GALNT6: variants seen among roughly 807,000 people sequenced by gnomAD.
The protein encoded by GALNT6 is polypeptide N-acetylgalactosaminyltransferase 6, also known as GalNAc transferase 6.
In GALNT6, 51 loss-of-function variants were observed where a neutral mutation model predicts 65.9. The ratio of observed to expected loss-of-function variants is 0.77; its 90% CI spans 0.62 to 0.98. The LOEUF is 0.98. Ranked by LOEUF, GALNT6 falls within the 50% of genes least tolerant of loss-of-function variation. GALNT6 has a pLI of 0.00. For missense variants in GALNT6, 708 were observed against 803.3 expected (o/e 0.88, Z 1.43); for synonymous variants, 323 against 315.1 (o/e 1.02, Z -0.26).
chr12:51,378,891 C>CCCCG (rs34017933), intron 3 of GALNT6, among the ~76,000 whole-genome samples: 1 of 146,714 alleles, frequency 6.8e-6, no homozygotes, highest in Non-Finnish European at 1.5e-5. Context: ...CACCCCCCCC[C>CCCCG]CAAACAGCTC....
intron 7 of GALNT6, 196 bp from the exon 8 acceptor site, chr12:51,359,528 ATG>A (rs1946854631): frequency 2.1e-6 from 1 of 483,728 alleles, no homozygotes; most frequent in African/African-American, 1.9e-5. Flanking sequence ...AGGCTTTCTG[ATG>A]TTGGTTCACT....
At chr12:51,364,657 G>T (rs1008757581) in intron 5 of GALNT6, among the ~76,000 whole-genome samples, 9 of 152,334 alleles carry the variant, frequency 5.9e-5, no homozygotes, top group Admixed American at 2.6e-4. Context: ...GGTTCCAGCC[G>T]ATCCATTGGC....
At chr12:51,380,321 C>G (rs1312948575) in intron 2 of GALNT6, among the ~76,000 whole-genome samples, 2 of 152,218 alleles carry the variant, frequency 1.3e-5, no homozygotes, top group East Asian at 3.9e-4. Flanking sequence ...ACTTAAATGG[C>G]AACAAACTGG....
At chr12:51,383,139 G>A (rs529388036) in intron 2 of GALNT6, among the ~76,000 whole-genome samples, 4 of 152,342 alleles carry the variant, frequency 2.6e-5, no homozygotes, top group African/African-American at 9.6e-5. Flanking sequence ...CTGTGGGTTT[G>A]AGGAAGGCTT....
intron 9 of GALNT6, 38 bp downstream of exon 9, chr12:51,358,092 T>C: frequency 6.3e-7 from 1 of 1,599,258 alleles, no homozygotes; most frequent in Non-Finnish European, 8.6e-7. Context: ...CAAGGGGTGC[T>C]GTGGTGATGG....
At chr12:51,368,233 C>CA (rs35507217) in intron 4 of GALNT6, among the ~76,000 whole-genome samples, 27,850 of 151,652 alleles carry the variant, frequency 0.18, 2,847 homozygotes, top group East Asian at 0.34. Flanking sequence ...CGCAGTCACC[C>CA]AAGGCCTTGC....
intron 4 of GALNT6, among the ~76,000 whole-genome samples, chr12:51,376,971 A>G (rs747882061): frequency 5.3e-5 from 8 of 152,306 alleles, no homozygotes; most frequent in Non-Finnish European, 8.8e-5. Context: ...GGGAGTCTTG[A>G]AGCCAGAGCT....
At position 51,374,679 on chromosome 12, in the gene GALNT6, T is replaced by TTAGCCCCAGGACCCTTA. The variant is rs1304437974; in HGVS notation, c.664+2515_664+2516insTAAGGGTCCTGGGGCTA. Among the ~76,000 whole-genome samples the TTAGCCCCAGGACCCTTA allele has an allele frequency of 4.6e-5, 7 of 152,256 alleles. No individual in the cohort carries two copies. In the East Asian group the frequency reaches 1.2e-3, roughly 25 times the overall value. ...ATCTGGGAGAGCCCCAGACACCACA[T>TTAGCCCCAGGACCCTTA]GCCTCCTACGAGGAGGGCTAAGCTT... On this transcript the variant is annotated intron_variant, in intron 4 of 11. Coordinates refer to ENST00000356317, the MANE Select transcript of GALNT6 (RefSeq NM_007210.4).
rs530237940 is a variant in GALNT6, at chr12:51,384,075, T to G, written c.-103-4191A>C. Among the ~76,000 whole-genome samples the G allele has an allele frequency of 1.5e-3, 235 of 152,206 alleles. 1 individual carries two copies. Among genetic ancestry groups the G allele is most frequent in the Non-Finnish European group, 2.9e-3 (200 of 67,990 alleles). On this transcript the variant is annotated intron_variant, in intron 2 of 11. Coordinates refer to ENST00000356317, the MANE Select transcript of GALNT6 (RefSeq NM_007210.4). ...AAGTGTGCCCGCAGCCCCCATCCAC[T>G]CATTTCCCTCTCGCTGTGGCTCAGC...
rs530706221 is a variant in GALNT6 at position 51,384,904 on chromosome 12, A to T, written c.-103-5020T>A. On this transcript the variant is annotated intron_variant, in intron 2 of 11. Coordinates refer to ENST00000356317, the MANE Select transcript of GALNT6 (RefSeq NM_007210.4). ...TGTCTCAAAAAATAAAAATAAATAA[A>T]TTTTAAAAACCCAGAATAGAATGAA... Among the ~76,000 whole-genome samples, 5 of 152,256 alleles carry T rather than the reference A, an allele frequency of 3.3e-5. No homozygotes were observed. In the South Asian group the frequency reaches 1.0e-3, roughly 32 times the overall value.
intron 11 of GALNT6, 59 bp from the exon 12 acceptor site, chr12:51,354,551 A>C: frequency 9.9e-7 from 1 of 1,011,424 alleles, no homozygotes; most frequent in Non-Finnish European, 1.5e-6. Flanking sequence ...CGGTGCTACC[A>C]GGGACAATGC....
chr12:51,370,838 T>C (rs1433003274), intron 4 of GALNT6, among the ~76,000 whole-genome samples: 1 of 151,828 alleles, frequency 6.6e-6, no homozygotes, highest in African/African-American at 2.4e-5. Flanking sequence ...CTGGTCAACA[T>C]GGTGAGACCC....
At chr12:51,382,103 A>G (rs1947693348) in intron 2 of GALNT6, among the ~76,000 whole-genome samples, 1 of 152,226 alleles carries the variant, frequency 6.6e-6, no homozygotes, top group African/African-American at 2.4e-5. Context: ...CAGCACCGTC[A>G]AAAATCAAAC....
intron 4 of GALNT6, among the ~76,000 whole-genome samples, chr12:51,367,738 AC>A (rs1327839394): frequency 6.6e-6 from 1 of 152,216 alleles, no homozygotes; most frequent in East Asian, 1.9e-4. Flanking sequence ...TTGATCTCCC[AC>A]AAATGCACGC....
chr12:51,375,488 C>T (rs1565727232), intron 4 of GALNT6, among the ~76,000 whole-genome samples: 1 of 152,094 alleles, frequency 6.6e-6, no homozygotes, highest in African/African-American at 2.4e-5. Flanking sequence ...ATGCCAGCCA[C>T]TCTGTGGCAC....
rs142817819 is a variant in GALNT6, at chr12:51,363,104, AC to A, written c.1049+1016del. On this transcript the variant is annotated intron_variant, in intron 6 of 11. Transcript: ENST00000356317. The stretch of plus-strand genomic sequence containing the variant: ...CTTATCTCTGGCTACTGTATCTCCA[AC>A]CTCTGCATCCCTCCGTCCTGGATGT... Among the ~76,000 whole-genome samples, 1,289 of 151,936 alleles carry A rather than the reference AC, an allele frequency of 8.5e-3. 53 individuals carry two copies. The East Asian group carries it at 0.13, about 15-fold the overall frequency.
intron 2 of GALNT6, among the ~76,000 whole-genome samples, chr12:51,384,507 C>T (rs1266534069): frequency 6.6e-6 from 1 of 151,172 alleles, no homozygotes; most frequent in East Asian, 2.0e-4. Flanking sequence ...ACCTGGCCAA[C>T]ATGGTGAAAC....
chr12:51,357,597 C>A, intron 9 of GALNT6, 147 bp from the exon 10 acceptor site: 1 of 642,592 alleles, frequency 1.6e-6, no homozygotes, highest in Non-Finnish European at 2.9e-6. Context: ...CTCCTCTGTG[C>A]GTTAACCCAC....
intron 2 of GALNT6, among the ~76,000 whole-genome samples, chr12:51,386,193 C>T (rs1225916920): frequency 6.6e-6 from 1 of 152,184 alleles, no homozygotes; most frequent in African/African-American, 2.4e-5. Context: ...TTATCAACGG[C>T]GAGGCCAGAA....
Sources: allele counts gnomAD v4.1 joint callset (sites outside exome capture counted in the v4.1 genomes callset), GRCh38; gene constraint gnomAD v4.1.1; transcripts MANE v1.5; gene names NCBI Gene and HGNC (gene_info 2026-07-23, HGNC 2026-07-21).